Variants in CDH13 observed in about 807,000 individuals in gnomAD.
CDH13 encodes cadherin-13.
Under a neutral mutation model 63.8 loss-of-function variants are expected in CDH13, and 24 were observed. The ratio of observed to expected loss-of-function variants is 0.38; its 90% CI spans 0.27 to 0.53. The LOEUF is 0.53. Ranked by LOEUF, CDH13 falls within the 20% of genes least tolerant of loss-of-function variation. The pLI, the probability that CDH13 is intolerant of heterozygous loss-of-function variation, is 0.85. For synonymous variants in CDH13, 503 were observed against 355.3 expected (o/e 1.42, Z -4.67); for missense variants, 1,049 against 903.1 (o/e 1.16, Z -2.07).
intron 1 of CDH13, among the ~76,000 whole-genome samples, chr16:82,833,429 G>T (rs144149845): frequency 6.6e-6 from 1 of 152,316 alleles, no homozygotes; most frequent in Middle Eastern, 3.4e-3. Context: ...AGGTTTGCTT[G>T]ACTTCACAGT....
intron 2 of CDH13, among the ~76,000 whole-genome samples, chr16:82,958,440 A>G (rs538115613): frequency 5.2e-4 from 79 of 152,350 alleles, no homozygotes; most frequent in African/African-American, 1.8e-3. Context: ...GTGATGGTCC[A>G]GTGTCAGGGA....
At chr16:83,267,868 A>G (rs2088672374) in intron 5 of CDH13, among the ~76,000 whole-genome samples, 1 of 152,222 alleles carries the variant, frequency 6.6e-6, no homozygotes, top group Non-Finnish European at 1.5e-5. Context: ...CCACTTTCCC[A>G]GAAGTTCCCA....
intron 2 of CDH13, among the ~76,000 whole-genome samples, chr16:82,947,062 G>A (rs1904812765): frequency 1.4e-5 from 2 of 147,880 alleles, no homozygotes; most frequent in Admixed American, 1.4e-4. Flanking sequence ...TTGTAAGAAA[G>A]TTTAAGGCTA....
intron 5 of CDH13, among the ~76,000 whole-genome samples, chr16:83,217,755 C>T (rs773434585): frequency 9.9e-5 from 15 of 152,116 alleles, no homozygotes; most frequent in Non-Finnish European, 1.8e-4. Flanking sequence ...ACCCTGGGGG[C>T]ATCTCAGAGG....
rs1567593364 is a variant in CDH13 at position 82,844,637 on chromosome 16, G to GTT, written c.46-13724_46-13723insTT. ...AAAAAAAGAACTATAAGGTAATAAAGTATTTTTTTTTTTTTTTTTTGAGAC... is the reference window on the plus strand; with the variant it reads ...AAAAAAAGAACTATAAGGTAATAAAGTTTATTTTTTTTTTTTTTTTTTGAGAC... On this transcript the variant is annotated intron_variant, in intron 1 of 13. Coordinates refer to ENST00000567109, the MANE Select transcript of CDH13 (RefSeq NM_001257.5). The GTT allele has an allele frequency of 2.1e-4, 18 of 84,342 alleles. 1 individual carries two copies. The highest frequency in any genetic ancestry group is 4.7e-4 in the Non-Finnish European group (17 of 36,450). The allele number at this position is 84,342 out of a possible 1,614,324, so 5.2% of individuals were successfully genotyped here.
intron 8 of CDH13, among the ~76,000 whole-genome samples, chr16:83,633,908 T>C (rs1412830814): frequency 6.6e-6 from 1 of 152,114 alleles, no homozygotes; most frequent in Non-Finnish European, 1.5e-5. Flanking sequence ...AAAAGCAACT[T>C]AGTTTCCTTA....
intron 3 of CDH13, among the ~76,000 whole-genome samples, chr16:83,073,366 A>C (rs576069089): frequency 6.6e-6 from 1 of 150,698 alleles, no homozygotes; most frequent in Admixed American, 6.6e-5. Context: ...AGAGAGAGAG[A>C]GAGAGAGAGA....
chr16:82,959,533 C>T (rs141156059), intron 2 of CDH13, among the ~76,000 whole-genome samples: 27 of 152,286 alleles, frequency 1.8e-4, no homozygotes, highest in Non-Finnish European at 1.0e-4. Flanking sequence ...TTTTCAAAGC[C>T]ACAAAAGTTG....
chr16:83,584,707 C>G (rs183002385), intron 7 of CDH13, among the ~76,000 whole-genome samples: 26 of 152,260 alleles, frequency 1.7e-4, no homozygotes, highest in African/African-American at 5.8e-4. Flanking sequence ...GCTATTCTTG[C>G]ATTACTACAA....
At chr16:83,084,459 A>G (rs931957903) in intron 3 of CDH13, among the ~76,000 whole-genome samples, 1 of 152,202 alleles carries the variant, frequency 6.6e-6, no homozygotes, top group Non-Finnish European at 1.5e-5. Flanking sequence ...AGGAGAACCC[A>G]TCACCTGTCT....
At chr16:83,601,718 T>C (rs1458930889) in intron 7 of CDH13, among the ~76,000 whole-genome samples, 1 of 152,224 alleles carries the variant, frequency 6.6e-6, no homozygotes, top group Non-Finnish European at 1.5e-5. Flanking sequence ...ATCTTTGTCC[T>C]AAGCTCATCA....
chr16:83,428,157 TG>T (rs1265208470), intron 6 of CDH13, among the ~76,000 whole-genome samples: 1 of 152,222 alleles, frequency 6.6e-6, no homozygotes, highest in Admixed American at 6.5e-5. Flanking sequence ...ACCTTTTGAC[TG>T]CTCATGTTTA....
intron 8 of CDH13, among the ~76,000 whole-genome samples, chr16:83,631,971 C>T (rs760217464): frequency 2.0e-5 from 3 of 152,178 alleles, no homozygotes; most frequent in South Asian, 2.1e-4. Flanking sequence ...ATATGACAAG[C>T]CTGCTTTTAG....
chr16:82,981,230 C>T (rs1273720016), intron 2 of CDH13, among the ~76,000 whole-genome samples: 1 of 152,158 alleles, frequency 6.6e-6, no homozygotes, highest in Admixed American at 6.5e-5. Context: ...TATCTCAAAA[C>T]TAAATTAATT....
chr16:83,626,087 T>C (rs1418168559), intron 8 of CDH13, among the ~76,000 whole-genome samples: 1 of 151,594 alleles, frequency 6.6e-6, no homozygotes, highest in Non-Finnish European at 1.5e-5. Context: ...CACAGTTCAC[T>C]GCAGCCTCCA....
intron 7 of CDH13, among the ~76,000 whole-genome samples, chr16:83,546,628 C>G (rs2075391267): frequency 6.6e-6 from 1 of 152,176 alleles, no homozygotes; most frequent in Non-Finnish European, 1.5e-5. Context: ...CTGATCTTTA[C>G]TCAAATTCAC....
chr16:82,920,990 ATTG>A (rs928843486), intron 2 of CDH13, among the ~76,000 whole-genome samples: 5 of 152,022 alleles, frequency 3.3e-5, no homozygotes, highest in African/African-American at 7.3e-5. Flanking sequence ...TTTTGAGATG[ATTG>A]TTGTTTTTGT....
At chr16:82,680,071 C>T (rs755410664) in intron 1 of CDH13, among the ~76,000 whole-genome samples, 1 of 152,116 alleles carries the variant, frequency 6.6e-6, no homozygotes. Flanking sequence ...CACTCTCATC[C>T]CTCCACTGGG....
intron 5 of CDH13, among the ~76,000 whole-genome samples, chr16:83,323,826 C>T (rs999968785): frequency 2.0e-5 from 3 of 152,146 alleles, no homozygotes; most frequent in Non-Finnish European, 4.4e-5. Flanking sequence ...TACATTCTTT[C>T]TACATGTTTC....
Sources: allele counts gnomAD v4.1 joint callset (sites outside exome capture counted in the v4.1 genomes callset), GRCh38; gene constraint gnomAD v4.1.1; transcripts MANE v1.5; gene names NCBI Gene and HGNC (gene_info 2026-07-23, HGNC 2026-07-21).